C12orf42: variants seen among roughly 807,000 people sequenced by gnomAD.
The protein encoded by C12orf42 is chromosome 12 open reading frame 42, also known as uncharacterized protein C12orf42.
In C12orf42, 25 loss-of-function variants were observed where a neutral mutation model predicts 21.6. The observed-to-expected ratio is 1.16, with a 90% confidence interval of 0.84 to 1.62. C12orf42 has a LOEUF of 1.62. Ranked by LOEUF, C12orf42 falls within the 40% of genes most tolerant of loss-of-function variation. The pLI, the probability that C12orf42 is intolerant of heterozygous loss-of-function variation, is 0.00. For missense variants in C12orf42, 483 were observed against 459.3 expected, an observed-to-expected ratio of 1.05 and a Z score of -0.47; for synonymous variants, 174 against 175.0, an observed-to-expected ratio of 0.99 and a Z score of 0.05.
At chr12:103,409,430 C>T (rs1017230035) in intron 2 of C12orf42, among the ~76,000 whole-genome samples, 2 of 152,194 alleles carry the variant, frequency 1.3e-5, no homozygotes, top group African/African-American at 2.4e-5. Context: ...AATTTAATAG[C>T]AATCAGCACA....
At chr12:103,263,030 T>C (rs917057522) in intron 10 of C12orf42, among the ~76,000 whole-genome samples, 3 of 152,264 alleles carry the variant, frequency 2.0e-5, no homozygotes, top group Middle Eastern at 6.8e-3. Context: ...GAAACCATCA[T>C]TCTCAGCAAG....
At chr12:103,538,686 C>A in the C12orf42 span, among the ~76,000 whole-genome samples, 1 of 152,226 alleles carries the variant, frequency 6.6e-6, no homozygotes, top group African/African-American at 2.4e-5. Flanking sequence ...TCTGGATAAA[C>A]TGTTTTTCTG....
chr12:103,135,471 A>G, the C12orf42 span, among the ~76,000 whole-genome samples: 1 of 150,296 alleles, frequency 6.7e-6, no homozygotes, highest in East Asian at 2.0e-4. Context: ...AGAAAAAAAG[A>G]AAAAGAAAAA....
chr12:103,161,825 T>A, the C12orf42 span, among the ~76,000 whole-genome samples: 3 of 152,228 alleles, frequency 2.0e-5, no homozygotes, highest in South Asian at 2.1e-4. Context: ...AATGACCTAT[T>A]TGTTTGTGAA....
chr12:103,337,121 T>C (rs185895826), intron 4 of C12orf42, among the ~76,000 whole-genome samples: 4 of 152,234 alleles, frequency 2.6e-5, no homozygotes, highest in African/African-American at 9.6e-5. Context: ...CTGTTCTGAG[T>C]GGTCTATGAT....
the C12orf42 span, among the ~76,000 whole-genome samples, chr12:103,136,385 A>T: frequency 6.6e-6 from 1 of 152,216 alleles, no homozygotes; most frequent in Non-Finnish European, 1.5e-5. Context: ...GGACACAAAC[A>T]AATCAAAAGA....
At chr12:103,258,793 A>G (rs1222619750) in intron 10 of C12orf42, among the ~76,000 whole-genome samples, 1 of 152,184 alleles carries the variant, frequency 6.6e-6, no homozygotes, top group East Asian at 1.9e-4. Flanking sequence ...CAAGATTTTA[A>G]TGAAGAAAAA....
intron 2 of C12orf42, among the ~76,000 whole-genome samples, chr12:103,423,921 AT>A (rs1279996076): frequency 6.6e-6 from 1 of 152,224 alleles, no homozygotes; most frequent in Non-Finnish European, 1.5e-5. Flanking sequence ...TAAGTTTTTT[AT>A]TGTTTAATAT....
At chr12:103,546,325 G>A in the C12orf42 span, among the ~76,000 whole-genome samples, 1 of 152,190 alleles carries the variant, frequency 6.6e-6, no homozygotes, top group Non-Finnish European at 1.5e-5. Context: ...CATTGAGCTC[G>A]AGTGTCTGGA....
intron 2 of C12orf42, among the ~76,000 whole-genome samples, chr12:103,468,300 A>T (rs1953301788): frequency 6.6e-6 from 1 of 152,226 alleles, no homozygotes; most frequent in South Asian, 2.1e-4. Context: ...TGATGTACAT[A>T]GTTTTCACCC....
At chr12:103,122,675 T>C in the C12orf42 span, among the ~76,000 whole-genome samples, 2 of 152,206 alleles carry the variant, frequency 1.3e-5, 1 homozygote, top group South Asian at 4.1e-4. Flanking sequence ...GCTGAGGCTC[T>C]GACTTAGAAA....
chr12:103,309,521 C>G (rs1355752146), intron 4 of C12orf42, among the ~76,000 whole-genome samples: 2 of 151,922 alleles, frequency 1.3e-5, no homozygotes, highest in Non-Finnish European at 2.9e-5. Context: ...TTGGGGGAGT[C>G]AAAAATTATA....
chr12:103,467,211 A>G (rs1204393014), intron 2 of C12orf42, among the ~76,000 whole-genome samples: 1 of 152,222 alleles, frequency 6.6e-6, no homozygotes, highest in African/African-American at 2.4e-5. Context: ...CAAGAATTTT[A>G]TTTATAAAAT....
chr12:103,511,983 C>T, the C12orf42 span, among the ~76,000 whole-genome samples: 849 of 152,236 alleles, frequency 5.6e-3, 6 homozygotes, highest in Middle Eastern at 0.017. Context: ...TAATCTAATC[C>T]ACTCTCCCTA....
chr12:103,535,865 T>C, the C12orf42 span, among the ~76,000 whole-genome samples: 3 of 152,136 alleles, frequency 2.0e-5, no homozygotes, highest in African/African-American at 7.2e-5. Flanking sequence ...GCAACCTAGA[T>C]TGCCTGGTCT....
the C12orf42 span, among the ~76,000 whole-genome samples, chr12:103,225,551 G>A: frequency 1.6e-4 from 25 of 152,036 alleles, no homozygotes; most frequent in African/African-American, 5.5e-4. Context: ...AGAGGAGGAC[G>A]CAAAGGAGGC....
chr12:103,263,744 G>A (rs1430760582), downstream of C12orf42, among the ~76,000 whole-genome samples: 4 of 152,182 alleles, frequency 2.6e-5, no homozygotes, highest in Admixed American at 2.0e-4. Flanking sequence ...ACTCTCATAT[G>A]TAACTGATCC....
At chr12:103,090,184 C>T in the C12orf42 span, among the ~76,000 whole-genome samples, 1 of 152,174 alleles carries the variant, frequency 6.6e-6, no homozygotes, top group Admixed American at 6.5e-5. Context: ...TTCAAATGCA[C>T]TTGTTTGTTC....
At chr12:103,149,032 T>A in the C12orf42 span, among the ~76,000 whole-genome samples, 1 of 152,176 alleles carries the variant, frequency 6.6e-6, no homozygotes, top group Non-Finnish European at 1.5e-5. Flanking sequence ...GAAAATCAAG[T>A]TGTCTTTGTA....
Sources: gnomAD v4.1 joint callset for allele counts (sites outside exome capture counted in the v4.1 genomes callset) on GRCh38, gnomAD v4.1.1 for gene constraint, MANE v1.5 for transcripts, NCBI Gene and HGNC (gene_info 2026-07-23, HGNC 2026-07-21) for gene names.